The following POMZP3 variants were observed in gnomAD, a reference collection of about 807,000 sequenced individuals.
POMZP3 encodes POM121 and ZP3 fusion protein.
A neutral mutation model predicts 19.8 loss-of-function variants in POMZP3; 10 were observed. The observed-to-expected ratio is 0.51, with a 90% CI of 0.31 to 0.86. POMZP3 has a LOEUF of 0.86. Among genes scored for constraint, POMZP3 ranks in the 40% least tolerant of loss-of-function variants. The probability of loss-of-function intolerance (pLI) is 0.04; values close to 1 mark genes in which losing one functional copy is unlikely to be tolerated. For missense variants in POMZP3, 152 were observed against 228.1 expected, an observed-to-expected ratio of 0.67 and a Z score of 2.15; for synonymous variants, 57 against 85.8, an observed-to-expected ratio of 0.66 and a Z score of 1.85.
chr7:76,624,815 A>G (rs2428878), intron 3 of POMZP3, among the ~76,000 whole-genome samples: 39,629 of 146,684 alleles, frequency 0.27, 5,375 homozygotes, highest in Middle Eastern at 0.47. Context: ...TTTCCCAAGC[A>G]TTTCCTTCAG....
chr7:76,610,873 A>G (rs1483319973), intron 6 of POMZP3, among the ~76,000 whole-genome samples: 3 of 107,444 alleles, frequency 2.8e-5, no homozygotes, highest in Non-Finnish European at 6.1e-5. Flanking sequence ...TGGCCAGATT[A>G]TTATTATTTT....
intron 1 of POMZP3, 199 bp from the exon 2 acceptor site, chr7:76,626,414 C>T (rs999828308): frequency 4.4e-5 from 27 of 609,362 alleles, no homozygotes; most frequent in Admixed American, 1.5e-4. Context: ...ACAGCTGTCT[C>T]AACAATGGAT....
chr7:76,625,238 C>G (rs1168181257), intron 3 of POMZP3, among the ~76,000 whole-genome samples: 2 of 148,040 alleles, frequency 1.4e-5, no homozygotes, highest in Non-Finnish European at 3.0e-5. Context: ...TGAAAATAAA[C>G]TTTTAACACG....
chr7:76,615,993 G>A (rs866682132), intron 4 of POMZP3, among the ~76,000 whole-genome samples: 1 of 63,418 alleles, frequency 1.6e-5, no homozygotes, highest in East Asian at 3.7e-4. Flanking sequence ...AAAAAAAGGG[G>A]GGGGGGGCAG....
At chr7:76,621,568 G>C (rs1384949141) in intron 3 of POMZP3, among the ~76,000 whole-genome samples, 1 of 151,792 alleles carries the variant, frequency 6.6e-6, no homozygotes, top group African/African-American at 2.4e-5. Context: ...ATTCCCAGAT[G>C]GTTAAGGCAT....
chr7:76,623,733 G>A (rs1322403395), intron 3 of POMZP3, among the ~76,000 whole-genome samples: 3 of 151,456 alleles, frequency 2.0e-5, no homozygotes, highest in South Asian at 2.1e-4. Context: ...CCTGGGAGGC[G>A]GAGGTTGCAG....
At chr7:76,618,936 C>A (rs113803363) in intron 3 of POMZP3, among the ~76,000 whole-genome samples, 1 of 152,046 alleles carries the variant, frequency 6.6e-6, no homozygotes, top group Non-Finnish European at 1.5e-5. Context: ...TACAAGCGTG[C>A]ACCACCATGT....
chr7:76,611,114 C>T (rs1449795357), intron 6 of POMZP3, among the ~76,000 whole-genome samples: 1 of 143,650 alleles, frequency 7.0e-6, no homozygotes, highest in African/African-American at 2.7e-5. Flanking sequence ...CCTCAGGTGA[C>T]CTGCCCGCCT....
At chr7:76,615,249 C>T (rs1815249205) in intron 4 of POMZP3, among the ~76,000 whole-genome samples, 1 of 98,236 alleles carries the variant, frequency 1.0e-5, no homozygotes, top group South Asian at 3.5e-4. Context: ...CATCTTCTTC[C>T]CAAATGGCCA....
At chr7:76,610,445 G>A (rs1247854775) in intron 6 of POMZP3, among the ~76,000 whole-genome samples, 2 of 151,974 alleles carry the variant, frequency 1.3e-5, no homozygotes, top group Non-Finnish European at 2.9e-5. Flanking sequence ...CTGAGGTCAG[G>A]TGTTTGAGAC....
intron 3 of POMZP3, among the ~76,000 whole-genome samples, chr7:76,623,659 C>T (rs1815693966): frequency 6.7e-6 from 1 of 148,158 alleles, no homozygotes; most frequent in African/African-American, 2.5e-5. Flanking sequence ...AATTAGCTGG[C>T]TGTGATGGTA....
Position 76,626,006 on chromosome 7 carries a change from G to A in POMZP3, c.59C>T (p.Ser20Phe). Residue 20 changes from serine (S) to phenylalanine (F), a missense_variant, in exon 2 of 7, where the codon TCT (serine) becomes TTT (phenylalanine). By Grantham distance (155) the Ser-to-Phe change is radical. Coordinates refer to ENST00000310842, the MANE Select transcript of POMZP3 (RefSeq NM_012230.5). Reference protein sequence around the residue: ...IAPPDRRFSRSAIPEQIISST... With the variant: ...IAPPDRRFSRFAIPEQIISST... ...TTCCAACGATAATACTCACATCGCA[G>A]AACGCGAAAATCTTCTGTCAGGAGG... is the stretch of plus-strand genomic sequence containing the variant. The A allele has an allele frequency of 6.2e-7, 1 of 1,613,836 alleles. No homozygotes were observed. The highest frequency in any genetic ancestry group is 8.5e-7 in the Non-Finnish European group (1 of 1,179,768).
In POMZP3 at chr7:76,618,499, G is replaced by A. The variant is rs757485925; in HGVS notation, c.228-199C>T. On this transcript the variant is annotated intron_variant, in intron 3 of 6. Coordinates refer to ENST00000310842, the MANE Select transcript of POMZP3 (RefSeq NM_012230.5). ...TAGCTGGGTGCAGCAGTGCACACCT[G>A]TAATCCACCTACTCGGGAGGCTGAG... The A allele has an allele frequency of 8.3e-6, 6 of 721,184 alleles. No individual in the cohort carries two copies. In the African/African-American group the frequency reaches 8.9e-5, roughly 11 times the overall value. 44.7% of individuals were successfully genotyped at this position (721,184 alleles called of 1,614,324 possible). A position where few individuals can be genotyped will look rare whatever the true frequency, so the allele number is the denominator to read the frequency against.
At chr7:76,622,442 G>C (rs62475943) in intron 3 of POMZP3, among the ~76,000 whole-genome samples, 12 of 127,280 alleles carry the variant, frequency 9.4e-5, no homozygotes, top group African/African-American at 3.2e-4. Context: ...GCAGTGGCAC[G>C]ATCTCAGCTC....
At chr7:76,613,461 C>CG (rs1815186552) in intron 4 of POMZP3, among the ~76,000 whole-genome samples, 1 of 128,646 alleles carries the variant, frequency 7.8e-6, no homozygotes, top group East Asian at 2.4e-4. Context: ...AGGACCCCCC[C>CG]CACCCAGGGA....
chr7:76,622,768 T>G (rs1412205766), intron 3 of POMZP3, among the ~76,000 whole-genome samples: 5 of 151,908 alleles, frequency 3.3e-5, no homozygotes, highest in Non-Finnish European at 5.9e-5. Flanking sequence ...CTGGAACTCC[T>G]GAGCTCAAGC....
rs1064143 is a variant in POMZP3, at chr7:76,626,135, G to A, written c.-71C>T. ...CCAGCACACTGTGGGAAGTACCCCC[G>A]GACAGGAATACTGGGCCTGATGGAT... On this transcript the variant is annotated 5_prime_UTR_variant, in exon 2 of 7. Transcript: ENST00000310842. 913,544 of 1,603,164 alleles carry A rather than the reference G, an allele frequency of 0.57. 263,245 individuals carry two copies. The highest frequency in any genetic ancestry group is 0.74 in the African/African-American group (55,267 of 74,488).
In POMZP3 at chr7:76,626,147, T is replaced by C. The variant is rs1411155868; in HGVS notation, c.-83A>G. The C allele has an allele frequency of 1.2e-6, 2 of 1,608,338 alleles. No individual in the cohort carries two copies. Among genetic ancestry groups the C allele is most frequent in the African/African-American group, 1.3e-5 (1 of 74,676 alleles). ...GGGAAGTACCCCCGGACAGGAATACTGGGCCTGATGGATCGGATAGCGTCT... is the reference window on the plus strand; with the variant it reads ...GGGAAGTACCCCCGGACAGGAATACCGGGCCTGATGGATCGGATAGCGTCT... On this transcript the variant is annotated 5_prime_UTR_variant, in exon 2 of 7. Transcript: ENST00000310842.
intron 4 of POMZP3, among the ~76,000 whole-genome samples, 188 bp from the exon 5 acceptor site, chr7:76,612,001 C>T (rs2116846532): frequency 6.6e-6 from 1 of 150,948 alleles, no homozygotes; most frequent in African/African-American, 2.5e-5. Flanking sequence ...GAGTTCGAGA[C>T]CAACCTGGCC....
Sources: allele counts gnomAD v4.1 joint callset (sites outside exome capture counted in the v4.1 genomes callset), GRCh38; gene constraint gnomAD v4.1.1; transcripts MANE v1.5; gene names NCBI Gene and HGNC (gene_info 2026-07-23, HGNC 2026-07-21).